PTGFRN: variants seen among roughly 807,000 people sequenced by gnomAD.
PTGFRN encodes the protein prostaglandin F2 receptor inhibitor.
PTGFRN carries 35 observed loss-of-function variants against 83.2 expected under a neutral mutation model. The ratio of observed to expected loss-of-function variants is 0.42; its 90% CI spans 0.32 to 0.56. The LOEUF is 0.56. PTGFRN is among the 20% of genes least tolerant of loss of function. The pLI is 0.11. For synonymous variants in PTGFRN, 519 were observed against 498.6 expected (o/e 1.04, Z -0.55); for missense variants, 1,051 against 1,179.5 (o/e 0.89, Z 1.60).
chr1:116,968,254 T>C (rs985739934), intron 6 of PTGFRN, among the ~76,000 whole-genome samples: 3 of 151,510 alleles, frequency 2.0e-5, no homozygotes, highest in African/African-American at 2.4e-5. Context: ...TTAATACTTA[T>C]CTGTAAAAAT....
rs1233226836 is a variant in PTGFRN, at chr1:116,918,076, ATCTTTC to A, written c.49+7829_49+7834del. On this transcript the variant is annotated intron_variant, in intron 1 of 8. Transcript: ENST00000393203. This position sits in a 1 kb window ranked among gnomAD's most constrained non-coding sequence, Gnocchi z 4.1. ...CAGGGACTCTTGCATTTTATAATCC[ATCTTTC>A]TCTTATTCACATTAGCTAAGAAGAT... Among the ~76,000 whole-genome samples the A allele has an allele frequency of 6.6e-6, 1 of 152,194 alleles. No individual in the cohort carries two copies. Among genetic ancestry groups the A allele is most frequent in the African/African-American group, 2.4e-5 (1 of 41,448 alleles).
chr1:116,977,612 T>A (rs994849248), intron 7 of PTGFRN, among the ~76,000 whole-genome samples: 1 of 152,208 alleles, frequency 6.6e-6, no homozygotes, highest in African/African-American at 2.4e-5. Flanking sequence ...AACCTGCTCC[T>A]GAATGACTAC....
rs1649277446 is a variant in PTGFRN, at chr1:116,911,717, ACTGAAGCCTCAAACTC to A, written c.49+1469_49+1484del. 2.6e-5 allele frequency among the ~76,000 whole-genome samples: 4 copies of A among 152,202 alleles called. No individual in the cohort carries two copies. In the South Asian group the frequency reaches 6.2e-4, roughly 24 times the overall value. ...GAGTGCAATGGCACAACCACAGCTC[ACTGAAGCCTCAAACTC>A]CTGGGCTCAAGTCATTCTCCCACCT... is the stretch of plus-strand genomic sequence containing the variant. On this transcript the variant is annotated intron_variant, in intron 1 of 8. Transcript: ENST00000393203.
At position 116,961,229 on chromosome 1, in the gene PTGFRN, T is replaced by G. The variant is rs766408494; in HGVS notation, c.1214-14T>G. The stretch of plus-strand genomic sequence containing the variant: ...AATTATTTTCCTATCCTGGCCTTTC[T>G]GTCTCTCGTTCAGAACCAGACTACC... On this transcript the variant is annotated splice_polypyrimidine_tract_variant and intron_variant, in intron 4 of 8. Transcript: ENST00000393203. The surrounding 1 kb of genome is among the most constrained non-coding windows in gnomAD (Gnocchi z 5.4). 20 of 1,501,810 alleles carry G rather than the reference T, an allele frequency of 1.3e-5. No individual in the cohort carries two copies. Among genetic ancestry groups the G allele is most frequent in the Middle Eastern group, 1.8e-4 (1 of 5,578 alleles). 93.0% of individuals were successfully genotyped at this position (1,501,810 alleles called of 1,614,324 possible). A position where few individuals can be genotyped will look rare whatever the true frequency, so the allele number is the denominator to read the frequency against.
rs1651566402 is a variant in PTGFRN at position 116,988,143 on chromosome 1, C to T, written c.*1176C>T. On this transcript the variant is annotated 3_prime_UTR_variant, in exon 9 of 9. Coordinates refer to ENST00000393203, the MANE Select transcript of PTGFRN (RefSeq NM_020440.4). Reference sequence around the variant, plus strand: ...AGAAGCACCATGTTTTTTCTATGACCTTTTCAGTCCTTCAGGTCATTTTAA... The same window carrying T: ...AGAAGCACCATGTTTTTTCTATGACTTTTTCAGTCCTTCAGGTCATTTTAA... 6.6e-6 allele frequency: 1 copy of T among 152,142 alleles called. No homozygotes were observed. Among genetic ancestry groups the T allele is most frequent in the Non-Finnish European group, 1.5e-5 (1 of 68,024 alleles). 9.4% of individuals were successfully genotyped at this position (152,142 alleles called of 1,614,324 possible).
rs943034435 is a variant in PTGFRN, at chr1:116,920,867, A to G, written c.49+10615A>G. ...TCGAACTCCTGGCCTCAAGTGATCC[A>G]CCTGCCTCAGCCTCCCAAAGTGCTG... On this transcript the variant is annotated intron_variant, in intron 1 of 8. Transcript: ENST00000393203. Among the ~76,000 whole-genome samples the G allele has an allele frequency of 2.6e-5, 4 of 152,152 alleles. No individual in the cohort carries two copies. The East Asian group carries it at 7.7e-4, about 29-fold the overall frequency.
At chr1:116,967,991 G>A (rs1307490629) in intron 6 of PTGFRN, among the ~76,000 whole-genome samples, 3 of 152,190 alleles carry the variant, frequency 2.0e-5, no homozygotes, top group Admixed American at 1.3e-4. Flanking sequence ...GGAACATAGT[G>A]GAGTATAAAG....
intron 4 of PTGFRN, among the ~76,000 whole-genome samples, chr1:116,951,610 G>T (rs1419226391): frequency 6.6e-6 from 1 of 152,204 alleles, no homozygotes; most frequent in Non-Finnish European, 1.5e-5. Flanking sequence ...AGAGATATTT[G>T]CCCCTGAGTA....
intron 1 of PTGFRN, among the ~76,000 whole-genome samples, chr1:116,925,793 C>T (rs1445438220): frequency 6.6e-6 from 1 of 152,156 alleles, no homozygotes; most frequent in Non-Finnish European, 1.5e-5. Flanking sequence ...TGACGCTTGG[C>T]CAGGTGTTAG....
chr1:116,910,558 C>G (rs1343669609), intron 1 of PTGFRN, among the ~76,000 whole-genome samples: 1 of 152,008 alleles, frequency 6.6e-6, no homozygotes, highest in African/African-American at 2.4e-5. Flanking sequence ...GGTCTCCCTA[C>G]CTGTTGGCCG....
At chr1:116,959,351 G>A (rs1000232328) in intron 4 of PTGFRN, among the ~76,000 whole-genome samples, 3 of 152,182 alleles carry the variant, frequency 2.0e-5, no homozygotes, top group Admixed American at 6.5e-5. Flanking sequence ...ATCACAGTAC[G>A]ATGTACTCCC....
chr1:116,989,490 G>A lies in PTGFRN; in HGVS notation c.*2523G>A, dbSNP rs1286322515. On this transcript the variant is annotated 3_prime_UTR_variant, in exon 9 of 9. Coordinates refer to ENST00000393203, the MANE Select transcript of PTGFRN (RefSeq NM_020440.4). The stretch of plus-strand genomic sequence containing the variant: ...TGCGACAAGTGCTCTTCTAGAACAG[G>A]TTCCTACCAGCAGCACTGGTGTGAA... 1 of 152,550 alleles carries A rather than the reference G, an allele frequency of 6.6e-6. No individual in the cohort carries two copies. The highest frequency in any genetic ancestry group is 1.5e-5 in the Non-Finnish European group (1 of 68,024). The allele number at this position is 152,550 out of a possible 1,614,324, so 9.4% of individuals were successfully genotyped here.
In PTGFRN at chr1:116,935,954, G is replaced by A. The variant is rs148705185; in HGVS notation, c.50-5761G>A. Among the ~76,000 whole-genome samples, 582 of 152,236 alleles carry A rather than the reference G, an allele frequency of 3.8e-3. 5 individuals carry two copies. Among genetic ancestry groups the A allele is most frequent in the African/African-American group, 0.013 (535 of 41,536 alleles). Reference sequence around the variant, plus strand: ...ATATTGACTCCTGAAAACAAATGAAGCCATAATTCAAGATTGTTACTTAGT... The same window carrying A: ...ATATTGACTCCTGAAAACAAATGAAACCATAATTCAAGATTGTTACTTAGT... On this transcript the variant is annotated intron_variant, in intron 1 of 8. Coordinates refer to ENST00000393203, the MANE Select transcript of PTGFRN (RefSeq NM_020440.4).
chr1:116,974,771 G>T (rs777371394), intron 7 of PTGFRN, among the ~76,000 whole-genome samples: 7 of 152,212 alleles, frequency 4.6e-5, no homozygotes, highest in Non-Finnish European at 7.3e-5. Context: ...AATAGGAACA[G>T]CTCCAGTCTA....
intron 3 of PTGFRN, among the ~76,000 whole-genome samples, chr1:116,947,594 T>C (rs367767610): frequency 2.0e-5 from 3 of 152,350 alleles, no homozygotes; most frequent in Admixed American, 6.5e-5. Flanking sequence ...CCTGAGACTC[T>C]GTTTTCTCCA....
In PTGFRN at chr1:116,987,050, G is replaced by A. The variant is rs953989297; in HGVS notation, c.*83G>A. 2 of 1,527,270 alleles carry A rather than the reference G, an allele frequency of 1.3e-6. No homozygotes were observed. The highest frequency in any genetic ancestry group is 1.8e-6 in the Non-Finnish European group (2 of 1,119,436). The allele number at this position is 1,527,270 out of a possible 1,614,324, so 94.6% of individuals were successfully genotyped here. A position where few individuals can be genotyped will look rare whatever the true frequency, so the allele number is the denominator to read the frequency against. ...GGACAGTGATATTTTAAAACAAAGT[G>A]TGTTACACTAAAAACCAGTCCTCTC... On this transcript the variant is annotated 3_prime_UTR_variant, in exon 9 of 9. Coordinates refer to ENST00000393203, the MANE Select transcript of PTGFRN (RefSeq NM_020440.4).
rs1380682045 is a variant in PTGFRN, at chr1:116,918,951, G to C, written c.49+8699G>C. Among the ~76,000 whole-genome samples, 2 of 152,190 alleles carry C rather than the reference G, an allele frequency of 1.3e-5. No individual in the cohort carries two copies. The highest frequency in any genetic ancestry group is 2.9e-5 in the Non-Finnish European group (2 of 68,020). ...TTCCAGGCTTGATGCACCTGCAGAA[G>C]GTTTGAGGGCCTGGAGGGCATGATG... On this transcript the variant is annotated intron_variant, in intron 1 of 8. Coordinates refer to ENST00000393203, the MANE Select transcript of PTGFRN (RefSeq NM_020440.4). This position sits in a 1 kb window ranked among gnomAD's most constrained non-coding sequence, Gnocchi z 4.1.
At chr1:116,960,017 C>A (rs1354788763) in intron 4 of PTGFRN, among the ~76,000 whole-genome samples, 1 of 152,026 alleles carries the variant, frequency 6.6e-6, no homozygotes, top group African/African-American at 2.4e-5. Context: ...TTTCTAAAAG[C>A]CTGAACATTC....
At chr1:116,931,334 C>T (rs1408549958) in intron 1 of PTGFRN, among the ~76,000 whole-genome samples, 1 of 152,172 alleles carries the variant, frequency 6.6e-6, no homozygotes, top group Non-Finnish European at 1.5e-5. Flanking sequence ...TGACTCTTAG[C>T]ATACCATACG....
Sources: gnomAD v4.1 joint callset for allele counts (sites outside exome capture counted in the v4.1 genomes callset) on GRCh38, gnomAD v4.1.1 for gene constraint, Gnocchi (gnomAD v3.1) non-coding constraint, MANE v1.5 for transcripts, NCBI Gene and HGNC (gene_info 2026-07-23, HGNC 2026-07-21) for gene names.